Variants in NRXN1 observed in about 807,000 individuals in gnomAD.
NRXN1 encodes neurexin 1, also known as neurexin-1.
A neutral mutation model predicts 150.9 loss-of-function variants in NRXN1; 39 were observed. The ratio of observed to expected loss-of-function variants is 0.26; its 90% CI spans 0.20 to 0.34. NRXN1 has a LOEUF of 0.34. NRXN1 is among the 10% of genes least tolerant of loss of function. The pLI is 1.00. For synonymous variants in NRXN1, 924 were observed against 757.0 expected (o/e 1.22, Z -3.62); for missense variants, 1,815 against 1,949.9 (o/e 0.93, Z 1.30).
At chr2:50,575,925 A>C (rs1273441130) in intron 8 of NRXN1, among the ~76,000 whole-genome samples, 2 of 152,202 alleles carry the variant, frequency 1.3e-5, no homozygotes, top group African/African-American at 2.4e-5. Flanking sequence ...TAATAATGTT[A>C]CATCATGGCA....
intron 18 of NRXN1, among the ~76,000 whole-genome samples, chr2:50,233,398 T>G (rs572327626): frequency 6.6e-6 from 1 of 152,176 alleles, no homozygotes; most frequent in South Asian, 2.1e-4. Context: ...TTAATCAAAA[T>G]TTTTAAAAAT....
At chr2:50,570,666 T>C (rs1670535897) in intron 8 of NRXN1, among the ~76,000 whole-genome samples, 1 of 152,128 alleles carries the variant, frequency 6.6e-6, no homozygotes, top group African/African-American at 2.4e-5. Flanking sequence ...TGAATGTGTA[T>C]AAATTATATT....
chr2:50,274,600 T>C (rs1476184817), intron 17 of NRXN1, among the ~76,000 whole-genome samples: 1 of 151,926 alleles, frequency 6.6e-6, no homozygotes, highest in East Asian at 1.9e-4. Flanking sequence ...GAAAAAGAGA[T>C]AGAAGGAAGA....
intron 19 of NRXN1, among the ~76,000 whole-genome samples, chr2:50,068,005 A>G (rs538279868): frequency 5.9e-5 from 9 of 152,178 alleles, no homozygotes; most frequent in Non-Finnish European, 1.3e-4. Context: ...GGTCCACGGA[A>G]AAAAAGATAG....
At chr2:50,340,617 G>C (rs2077481261) in intron 17 of NRXN1, among the ~76,000 whole-genome samples, 1 of 151,874 alleles carries the variant, frequency 6.6e-6, no homozygotes, top group South Asian at 2.1e-4. Flanking sequence ...ATACGTCCCT[G>C]GGAAAAGACA....
intron 18 of NRXN1, among the ~76,000 whole-genome samples, chr2:50,229,640 A>C (rs1234123966): frequency 6.6e-6 from 1 of 152,102 alleles, no homozygotes; most frequent in Non-Finnish European, 1.5e-5. Context: ...TTCCAGAATA[A>C]CTAAGATGCT....
chr2:50,889,407 GTACACAGAGCAAATGCTCAA>G (rs1334980302), intron 5 of NRXN1, among the ~76,000 whole-genome samples: 2 of 151,598 alleles, frequency 1.3e-5, no homozygotes, highest in African/African-American at 4.8e-5. Context: ...TCAATGATTT[GTACACAGAGCAAATGCTCAA>G]TAAACACTCC....
At chr2:49,957,968 C>A (rs1675274201) in intron 21 of NRXN1, among the ~76,000 whole-genome samples, 1 of 152,090 alleles carries the variant, frequency 6.6e-6, no homozygotes. Context: ...CATAACTTGA[C>A]TTTTTAAATT....
At chr2:50,822,158 G>A (rs1669829025) in intron 5 of NRXN1, among the ~76,000 whole-genome samples, 2 of 152,058 alleles carry the variant, frequency 1.3e-5, no homozygotes, top group South Asian at 4.1e-4. Flanking sequence ...CTTTTTCTAT[G>A]TGAGTGCTAA....
At chr2:50,048,925 G>A (rs1038983655) in intron 21 of NRXN1, among the ~76,000 whole-genome samples, 4 of 152,008 alleles carry the variant, frequency 2.6e-5, no homozygotes, top group Admixed American at 6.6e-5. Flanking sequence ...TCAAAAACCA[G>A]AATCTCTCAA....
At chr2:50,748,120 C>T (rs776644006) in intron 5 of NRXN1, among the ~76,000 whole-genome samples, 5 of 152,158 alleles carry the variant, frequency 3.3e-5, no homozygotes, top group Non-Finnish European at 7.3e-5. Context: ...GAAACAGAGG[C>T]TTGGCAGAGT....
chr2:50,046,687 T>C (rs1417144960), intron 21 of NRXN1, among the ~76,000 whole-genome samples: 1 of 152,326 alleles, frequency 6.6e-6, no homozygotes, highest in African/African-American at 2.4e-5. Flanking sequence ...GAGGTCTAAG[T>C]AACTCACAGC....
At chr2:50,513,818 C>A (rs1316702042) in intron 12 of NRXN1, among the ~76,000 whole-genome samples, 1 of 151,848 alleles carries the variant, frequency 6.6e-6, no homozygotes, top group African/African-American at 2.4e-5. Flanking sequence ...TGAAAAAAAA[C>A]AAAAACAAAA....
At chr2:49,967,446 C>G (rs1193870980) in intron 21 of NRXN1, among the ~76,000 whole-genome samples, 2 of 151,950 alleles carry the variant, frequency 1.3e-5, no homozygotes, top group African/African-American at 2.4e-5. Flanking sequence ...AAAAATACAA[C>G]CACAACCAAA....
chr2:50,512,744 C>A (rs2105054762), intron 12 of NRXN1, among the ~76,000 whole-genome samples: 1 of 152,270 alleles, frequency 6.6e-6, no homozygotes, highest in East Asian at 1.9e-4. Flanking sequence ...CATATCATTC[C>A]TTTCCCTATT....
chr2:50,270,255 C>T (rs550892170), intron 17 of NRXN1, among the ~76,000 whole-genome samples: 11 of 152,252 alleles, frequency 7.2e-5, no homozygotes, highest in African/African-American at 2.6e-4. Flanking sequence ...AAAATTCAAC[C>T]TACCATCATT....
chr2:50,269,124 CT>C (rs759135839), intron 17 of NRXN1, among the ~76,000 whole-genome samples: 4 of 152,160 alleles, frequency 2.6e-5, no homozygotes, highest in Non-Finnish European at 5.9e-5. Context: ...GGGAAAGTGC[CT>C]TGCCTAAGAT....
intron 5 of NRXN1, among the ~76,000 whole-genome samples, chr2:50,831,832 C>A (rs1671446950): frequency 6.6e-6 from 1 of 152,124 alleles, no homozygotes; most frequent in Non-Finnish European, 1.5e-5. Context: ...GTACTTTTCC[C>A]AAGAGCAGGA....
intron 2 of NRXN1, among the ~76,000 whole-genome samples, chr2:50,959,237 C>T (rs1692760582): frequency 6.6e-6 from 1 of 151,932 alleles, no homozygotes; most frequent in Non-Finnish European, 1.5e-5. Flanking sequence ...TACCACATGA[C>T]CCAGTGATTC....
Sources: gnomAD v4.1 joint callset for allele counts (sites outside exome capture counted in the v4.1 genomes callset) on GRCh38, gnomAD v4.1.1 for gene constraint, MANE v1.5 for transcripts, NCBI Gene and HGNC (gene_info 2026-07-23, HGNC 2026-07-21) for gene names.